CPNE2: variants seen among roughly 807,000 people sequenced by gnomAD.
CPNE2 encodes the protein copine-2.
CPNE2 carries 42 observed loss-of-function variants against 69.7 expected under a neutral mutation model. The ratio of observed to expected loss-of-function variants is 0.60; its 90% confidence interval spans 0.47 to 0.78. The LOEUF is 0.78. Ranked by LOEUF, CPNE2 falls within the 30% of genes least tolerant of loss-of-function variation. CPNE2 has a pLI of 0.00. For missense variants in CPNE2, 587 were observed against 732.0 expected, an observed-to-expected ratio of 0.80 and a Z score of 2.29; for synonymous variants, 294 against 289.8, an observed-to-expected ratio of 1.01 and a Z score of -0.15.
intron 4 of CPNE2, among the ~76,000 whole-genome samples, chr16:57,116,440 T>A (rs1356203691): frequency 6.6e-6 from 1 of 152,102 alleles, no homozygotes; most frequent in African/African-American, 2.4e-5. Context: ...GTAGCACTAC[T>A]CCTTGGAAGG....
At chr16:57,098,820 T>C (rs1407213079) in intron 1 of CPNE2, among the ~76,000 whole-genome samples, 2 of 152,146 alleles carry the variant, frequency 1.3e-5, no homozygotes, top group Non-Finnish European at 2.9e-5. Context: ...ATCTTTAAGC[T>C]CCAGTGAGGG....
intron 11 of CPNE2, among the ~76,000 whole-genome samples, chr16:57,127,181 T>C (rs1189366873): frequency 6.6e-6 from 1 of 152,184 alleles, no homozygotes; most frequent in Non-Finnish European, 1.5e-5. Context: ...TTTTAGGGTA[T>C]CAGGGAAATC....
chr16:57,104,563 C>T (rs1452580878), intron 1 of CPNE2, among the ~76,000 whole-genome samples: 2 of 152,110 alleles, frequency 1.3e-5, no homozygotes, highest in African/African-American at 2.4e-5. Flanking sequence ...GCCTGCCTGA[C>T]GAGCCCCCAC....
At chr16:57,109,038 T>A (rs1356996146) in intron 1 of CPNE2, among the ~76,000 whole-genome samples, 1 of 152,002 alleles carries the variant, frequency 6.6e-6, no homozygotes, top group Non-Finnish European at 1.5e-5. Context: ...AGGGTGAAGG[T>A]GATAGACAAT....
chr16:57,093,659 T>C (rs1216997069), intron 1 of CPNE2, among the ~76,000 whole-genome samples: 2 of 152,172 alleles, frequency 1.3e-5, no homozygotes, highest in South Asian at 2.1e-4. Flanking sequence ...CTGAATCCCC[T>C]GCCCCATATG....
intron 14 of CPNE2, among the ~76,000 whole-genome samples, chr16:57,140,257 GC>G (rs1383823552): frequency 6.6e-6 from 1 of 151,876 alleles, no homozygotes; most frequent in African/African-American, 2.4e-5. Context: ...TGCAACCTCC[GC>G]CTCCTGGGTT....
rs2069743428 is a variant in CPNE2, at chr16:57,119,285, A to G, written c.591+7A>G. On this transcript the variant is annotated splice_region_variant and intron_variant, in intron 6 of 15. Transcript: ENST00000290776. ...GCTGGTCCACAGGACTGAGGTGGGT[A>G]CGTGGGGGCCCAGGGATCTCTAAGC... 1.9e-6 allele frequency: 3 copies of G among 1,613,648 alleles called. No homozygotes were observed. The highest frequency in any genetic ancestry group is 3.3e-5 in the Admixed American group (2 of 60,016).
chr16:57,119,119 A>G (rs2145256282), intron 5 of CPNE2, 76 bp from the exon 6 acceptor site: 1 of 1,306,710 alleles, frequency 7.7e-7, no homozygotes, highest in East Asian at 2.3e-5. Context: ...CTGGGGAGGC[A>G]GCAGGGCCAC....
intron 11 of CPNE2, among the ~76,000 whole-genome samples, chr16:57,127,165 G>A (rs1421608871): frequency 6.6e-6 from 1 of 152,218 alleles, no homozygotes; most frequent in Admixed American, 6.5e-5. Context: ...CACAAAAAGA[G>A]AGGCATTTTA....
In CPNE2 at chr16:57,123,592, G is replaced by T. The variant is rs138215255; in HGVS notation, c.927+119G>T. 797 of 1,083,342 alleles carry T rather than the reference G, an allele frequency of 7.4e-4. 9 individuals are homozygous for T. In the African/African-American group the frequency reaches 0.011, roughly 15 times the overall value. 67.1% of individuals were successfully genotyped at this position (1,083,342 alleles called of 1,614,324 possible). On this transcript the variant is annotated intron_variant, in intron 10 of 15. Transcript: ENST00000290776. Reference sequence around the variant, plus strand: ...GGTAGACTTCAGGAAGGACTTCCCTGGGGCAAAGAGTGTGTGCGGCCTAGT... The same window carrying T: ...GGTAGACTTCAGGAAGGACTTCCCTTGGGCAAAGAGTGTGTGCGGCCTAGT...
chr16:57,146,254 G>T lies in CPNE2; in HGVS notation c.1472G>T (p.Arg491Leu). ...EFLDGDSRML[R>L]SHTGEEAARD... ...CTGGATGGGGACAGCCGCATGCTGC[G>T]CTCCCACACGGGGGAGGAGGCAGCC... is the stretch of plus-strand genomic sequence containing the variant. Residue 491 changes from arginine to leucine, a missense_variant, in exon 15 of 16, where the codon CGC becomes CTC. Physicochemically the swap from Arg to Leu is moderately radical, Grantham distance 102 (BLOSUM62 -2). Around this residue, in one of 5 missense-constraint regions of CPNE2, gnomAD observed 185 missense variants for 252.3 expected, o/e 0.73. Transcript: ENST00000290776. The surrounding 1 kb of genome is among the most constrained non-coding windows in gnomAD (Gnocchi z 4.4). The T allele has an allele frequency of 6.4e-7, 1 of 1,558,036 alleles. No homozygotes were observed. The highest frequency in any genetic ancestry group is 2.4e-5 in the East Asian group (1 of 41,480).
chr16:57,111,968 T>G (rs1449085001), intron 2 of CPNE2, among the ~76,000 whole-genome samples: 2 of 152,268 alleles, frequency 1.3e-5, no homozygotes, highest in Non-Finnish European at 2.9e-5. Context: ...GGAACCCACC[T>G]GTCATAGAGA....
chr16:57,125,867 T>A lies in CPNE2; in HGVS notation c.935T>A (p.Ile312Lys). The A allele has an allele frequency of 6.2e-7, 1 of 1,614,180 alleles. No homozygotes were observed. The highest frequency in any genetic ancestry group is 8.5e-7 in the Non-Finnish European group (1 of 1,180,014). ...TTTTTCTCCACTCTGCAGGTTGGAA[T>A]AGACTTTACAGCCTCCAACGGGAAT... ...GGCQLMFTVG[I>K]DFTASNGNPL... The change falls in exon 11 of 16, where the codon ATA becomes AAA. Residue 312 changes from isoleucine (I) to lysine (K), a missense_variant. Ile to Lys is a moderately radical substitution (Grantham distance 102). Around this residue, in one of 5 missense-constraint regions of CPNE2, gnomAD observed 269 missense variants for 300.5 expected, o/e 0.90. Transcript: ENST00000290776.
rs1028959346 is a variant in CPNE2 at position 57,137,521 on chromosome 16, G to A, written c.1302+239G>A. 1.6e-4 allele frequency among the ~76,000 whole-genome samples: 25 copies of A among 152,322 alleles called. No homozygotes were observed. The East Asian group carries it at 4.8e-3, about 29-fold the overall frequency. ...AGCAGGAAGCAGGGCTGTGATCAACGGGAGATGTCTCCCCAGGGCGAGGTA... is the reference window on the plus strand; with the variant it reads ...AGCAGGAAGCAGGGCTGTGATCAACAGGAGATGTCTCCCCAGGGCGAGGTA... On this transcript the variant is annotated intron_variant, in intron 14 of 15. Transcript: ENST00000290776.
chr16:57,099,921 G>C (rs1284234096), intron 1 of CPNE2, among the ~76,000 whole-genome samples: 1 of 151,856 alleles, frequency 6.6e-6, no homozygotes, highest in Non-Finnish European at 1.5e-5. Flanking sequence ...GACTACAGGC[G>C]CGTGCACCAC....
At position 57,121,724 on chromosome 16, in the gene CPNE2, T is replaced by C. The variant is rs1241159357; in HGVS notation, c.831T>C (p.Tyr277=). 1.1e-5 allele frequency: 18 copies of C among 1,613,992 alleles called. No homozygotes were observed. The highest frequency in any genetic ancestry group is 1.4e-5 in the Non-Finnish European group (17 of 1,180,024). ...NPKKQRKKKN[Y]KNSGIIILRS... is the part of the protein sequence containing the mutation. ...AGAAGCAGAGGAAGAAGAAGAACTA[T>C]AAAAACTCGGGCATCATCATCCTGC... Residue 277 remains tyrosine, a synonymous_variant, in exon 9 of 16, where the codon TAT becomes TAC. Coordinates refer to ENST00000290776, the MANE Select transcript of CPNE2 (RefSeq NM_152727.6).
intron 8 of CPNE2, 32 bp downstream of exon 8, chr16:57,121,223 A>G (rs750830415): frequency 1.8e-5 from 29 of 1,582,142 alleles, no homozygotes; most frequent in Non-Finnish European, 2.3e-5. Flanking sequence ...TAACCCCAAG[A>G]CCTCAGCAGG....
intron 6 of CPNE2, 79 bp from the exon 7 acceptor site, chr16:57,119,482 C>G: frequency 7.8e-7 from 1 of 1,283,082 alleles, no homozygotes; most frequent in Non-Finnish European, 1.1e-6. Context: ...TTTTGTCACC[C>G]TGTCCCCATT....
At chr16:57,096,448 G>A (rs1182881939) in intron 1 of CPNE2, among the ~76,000 whole-genome samples, 2 of 152,142 alleles carry the variant, frequency 1.3e-5, no homozygotes, top group African/African-American at 4.8e-5. Context: ...TCCCAGTACT[G>A]AGGGAGGCCA....
Sources: gnomAD v4.1 joint callset for allele counts (sites outside exome capture counted in the v4.1 genomes callset) on GRCh38, gnomAD v4.1.1 for gene constraint, gnomAD v4.1.1 regional missense constraint, Gnocchi (gnomAD v3.1) non-coding constraint, MANE v1.5 for transcripts, NCBI Gene and HGNC (gene_info 2026-07-23, HGNC 2026-07-21) for gene names.